Variants in GNB4 observed in about 807,000 individuals in gnomAD.
GNB4 encodes the protein G protein subunit beta 4.
GNB4 carries 28 observed loss-of-function variants against 45.2 expected under a neutral mutation model. That is an observed-to-expected ratio of 0.62 (90% CI 0.46 to 0.85). The LOEUF is 0.85. Among genes scored for constraint, GNB4 ranks in the 40% least tolerant of loss-of-function variants. The pLI is 0.00. For missense variants in GNB4, 321 were observed against 425.4 expected, an observed-to-expected ratio of 0.75 and a Z score of 2.16; for synonymous variants, 132 against 143.7, an observed-to-expected ratio of 0.92 and a Z score of 0.58.
chr3:179,484,834 A>ATGTGTGTGTG, the GNB4 span, among the ~76,000 whole-genome samples: 33 of 82,088 alleles, frequency 4.0e-4, no homozygotes, highest in African/African-American at 1.5e-3. Context: ...ATAGCTATAT[A>ATGTGTGTGTG]TATGTGTGTG....
chr3:179,432,919 AG>A (rs774354161), intron 1 of GNB4, among the ~76,000 whole-genome samples: 8 of 152,240 alleles, frequency 5.3e-5, no homozygotes, highest in Admixed American at 2.0e-4. Flanking sequence ...TGGAAAGTGG[AG>A]GGGGGGTGGA....
Position 179,405,331 on chromosome 3 carries a change from G to T in GNB4, c.775C>A (p.Gln259Lys), listed in dbSNP as rs1714433772. 1 of 1,614,082 alleles carries T rather than the reference G, an allele frequency of 6.2e-7. No homozygotes were observed. Residue 259 changes from glutamine (Q) to lysine (K), a missense_variant, in exon 9 of 10, where the codon CAA becomes AAA. By Grantham distance (53) the Gln-to-Lys change is moderately conservative. Transcript: ENST00000232564. ...TCATGAGAATACAATAATAACTCTT[G>T]ATCTGCACGAAGGTCAAAGAGCCGG... ...TCRLFDLRAD[Q>K]ELLLYSHDNI...
rs767366352 is a variant in GNB4 at position 179,413,577 on chromosome 3, G to A, written c.534C>T (p.Thr178=). 1.9e-6 allele frequency: 3 copies of A among 1,613,972 alleles called. No homozygotes were observed. Among genetic ancestry groups the A allele is most frequent in the Middle Eastern group, 1.6e-4 (1 of 6,084 alleles). The change falls in exon 8 of 10, where the codon ACC becomes ACT. Residue 178 remains threonine, a synonymous_variant. Coordinates refer to ENST00000232564, the MANE Select transcript of GNB4 (RefSeq NM_021629.4). ...CATCTCCAGAATGCCCAGTGAATGT[G>A]GTGGTCTGCTGGGCAGTTTCGATGT... ...LWDIETAQQT[T]TFTGHSGDVM... is the part of the protein sequence containing the mutation.
chr3:179,435,428 C>T lies in GNB4; in HGVS notation c.-42-9186G>A, dbSNP rs191818567. Among the ~76,000 whole-genome samples, 4 of 130,124 alleles carry T rather than the reference C, an allele frequency of 3.1e-5. No individual in the cohort carries two copies. In the East Asian group the frequency reaches 9.0e-4, roughly 29 times the overall value. The allele number at this position is 130,124 out of a possible 152,430, so 85.4% of individuals were successfully genotyped here. A position where few individuals can be genotyped will look rare whatever the true frequency, so the allele number is the denominator to read the frequency against. On this transcript the variant is annotated intron_variant, in intron 1 of 9. Coordinates refer to ENST00000232564, the MANE Select transcript of GNB4 (RefSeq NM_021629.4). ...ACTGCCCTCTTGGGAGGAAGCAAAG[C>T]TAAAGAGGAATATGAGATACACACA...
chr3:179,455,103 T>C (rs917711273), upstream of GNB4, among the ~76,000 whole-genome samples: 5 of 152,210 alleles, frequency 3.3e-5, no homozygotes, highest in African/African-American at 4.8e-5. Flanking sequence ...AAATCAGTTA[T>C]AGCTTTTGTT....
In GNB4 at chr3:179,398,377, T is replaced by C. The variant is rs1006995257; in HGVS notation, c.*2836A>G. On this transcript the variant is annotated 3_prime_UTR_variant, in exon 10 of 10. Coordinates refer to ENST00000232564, the MANE Select transcript of GNB4 (RefSeq NM_021629.4). The stretch of plus-strand genomic sequence containing the variant: ...TAAAAATACAAAAATTAGCCGGGCA[T>C]GGTGGCACATGCCTATAGTCCCAGC... 1.3e-4 allele frequency: 19 copies of C among 151,922 alleles called. No homozygotes were observed. The highest frequency in any genetic ancestry group is 3.3e-4 in the Admixed American group (5 of 15,250). 9.4% of individuals were successfully genotyped at this position (151,922 alleles called of 1,614,324 possible).
At chr3:179,488,399 A>C in the GNB4 span, among the ~76,000 whole-genome samples, 1 of 152,146 alleles carries the variant, frequency 6.6e-6, no homozygotes, top group Non-Finnish European at 1.5e-5. Context: ...TCCTGCTGTA[A>C]CCTGTTGAAT....
At chr3:179,465,082 T>A in the GNB4 span, 13 of 1,457,632 alleles carry the variant, frequency 8.9e-6, no homozygotes, top group African/African-American at 1.5e-4. Flanking sequence ...ATACAATTCT[T>A]GCAGATATTG....
Position 179,422,354 on chromosome 3 carries a change from T to C in GNB4, c.58-1427A>G, listed in dbSNP as rs368440488. On this transcript the variant is annotated intron_variant, in intron 2 of 9. Coordinates refer to ENST00000232564, the MANE Select transcript of GNB4 (RefSeq NM_021629.4). ...ATAAAACAGAATATAAGGCCAGGCG[T>C]GATGGCTCATGCCTATAATCCCAGC... is the stretch of plus-strand genomic sequence containing the variant. Among the ~76,000 whole-genome samples, 5 of 151,928 alleles carry C rather than the reference T, an allele frequency of 3.3e-5. 2 individuals are homozygous for C. The highest frequency in any genetic ancestry group is 6.6e-5 in the Admixed American group (1 of 15,260).
At chr3:179,410,035 A>G (rs1339509061) in intron 8 of GNB4, among the ~76,000 whole-genome samples, 4 of 152,108 alleles carry the variant, frequency 2.6e-5, no homozygotes, top group African/African-American at 7.2e-5. Context: ...CTGATGGTTT[A>G]TAAGGGGCTT....
At chr3:179,489,012 A>ATATAT in the GNB4 span, among the ~76,000 whole-genome samples, 12 of 51,938 alleles carry the variant, frequency 2.3e-4, no homozygotes, top group African/African-American at 1.2e-3. Flanking sequence ...AAAAAAAAAA[A>ATATAT]AAAAAAAATA....
chr3:179,419,537 C>T, intron 3 of GNB4, 32 bp from the exon 4 acceptor site: 1 of 1,289,558 alleles, frequency 7.8e-7, no homozygotes, highest in South Asian at 1.2e-5. Context: ...TTATTCTTTA[C>T]CTTAATCATA....
At position 179,420,887 on chromosome 3, in the gene GNB4, A is replaced by G. The variant is rs2108597364; in HGVS notation, c.96+2T>C. The G allele has an allele frequency of 6.3e-7, 1 of 1,580,424 alleles. No homozygotes were observed. Among genetic ancestry groups the G allele is most frequent in the Non-Finnish European group, 8.7e-7 (1 of 1,154,082 alleles). ...ATGAAATAAAGAAAAACAAAACTTT[A>G]CCTGAACAAGCGTTGCATCATTACA... is the stretch of plus-strand genomic sequence containing the variant. On this transcript the variant is annotated splice_donor_variant, in intron 3 of 9. Coordinates refer to ENST00000232564, the MANE Select transcript of GNB4 (RefSeq NM_021629.4). LOFTEE classifies it high-confidence loss of function.
chr3:179,405,892 T>G (rs1408127509), intron 8 of GNB4: 1 of 152,348 alleles, frequency 6.6e-6, no homozygotes, highest in Non-Finnish European at 1.5e-5. Context: ...TATGGTGCAA[T>G]TTACAATATA....
intron 2 of GNB4, among the ~76,000 whole-genome samples, chr3:179,425,337 T>A (rs1404247480): frequency 3.9e-5 from 6 of 152,228 alleles, no homozygotes; most frequent in Non-Finnish European, 2.9e-5. Flanking sequence ...CTCCTCTCCA[T>A]CCATTACGCT....
chr3:179,464,379 G>A, the GNB4 span: 3 of 1,019,532 alleles, frequency 2.9e-6, no homozygotes, highest in Middle Eastern at 2.2e-4. Context: ...CAGGTTGGCT[G>A]CCTGGCTGCT....
the GNB4 span, among the ~76,000 whole-genome samples, chr3:179,516,835 A>C: frequency 6.6e-6 from 1 of 152,160 alleles, no homozygotes; most frequent in African/African-American, 2.4e-5. Flanking sequence ...TGAGGGACAG[A>C]AGTTGGAATG....
rs79895658 is a variant in GNB4 at position 179,429,322 on chromosome 3, T to A, written c.-42-3080A>T. Among the ~76,000 whole-genome samples the A allele has an allele frequency of 1.2e-3, 177 of 152,336 alleles. No homozygotes were observed. The East Asian group carries it at 0.032, about 27-fold the overall frequency. ...CCATCTGGGCCTACCTGTGTCACCCTGTGGGCACTGGGGAACACCGGGAAT... is the reference window on the plus strand; with the variant it reads ...CCATCTGGGCCTACCTGTGTCACCCAGTGGGCACTGGGGAACACCGGGAAT... On this transcript the variant is annotated intron_variant, in intron 1 of 9. Coordinates refer to ENST00000232564, the MANE Select transcript of GNB4 (RefSeq NM_021629.4).
intron 2 of GNB4, among the ~76,000 whole-genome samples, chr3:179,423,904 A>C (rs1204145313): frequency 6.6e-6 from 1 of 152,198 alleles, no homozygotes; most frequent in East Asian, 1.9e-4. Context: ...CCAAGGGAAC[A>C]ATTTGATAAA....
Sources: allele counts gnomAD v4.1 joint callset (sites outside exome capture counted in the v4.1 genomes callset), GRCh38; gene constraint gnomAD v4.1.1; transcripts MANE v1.5; gene names NCBI Gene and HGNC (gene_info 2026-07-23, HGNC 2026-07-21).